The following MGST1 variants were observed in gnomAD, a reference collection of about 807,000 sequenced individuals.
The protein encoded by MGST1 is microsomal glutathione S-transferase 1.
In MGST1, 5 loss-of-function variants were observed where a neutral mutation model predicts 8.9. That is an observed-to-expected ratio of 0.56 (90% CI 0.29 to 1.19). The LOEUF is 1.19. MGST1 is among the 50% of genes most tolerant of loss of function. MGST1 has a pLI of 0.08. For missense variants in MGST1, 182 were observed against 187.4 expected, an observed-to-expected ratio of 0.97 and a Z score of 0.17; for synonymous variants, 54 against 67.8, an observed-to-expected ratio of 0.80 and a Z score of 1.00.
chr12:16,558,733 A>C (rs1942283020), intron 4 of MGST1, among the ~76,000 whole-genome samples: 1 of 152,168 alleles, frequency 6.6e-6, no homozygotes, highest in Non-Finnish European at 1.5e-5. Context: ...CTGAATATCT[A>C]CATTTAGCAA....
At chr12:16,575,939 G>T (rs752951987) in intron 4 of MGST1, among the ~76,000 whole-genome samples, 1 of 152,028 alleles carries the variant, frequency 6.6e-6, no homozygotes, top group Non-Finnish European at 1.5e-5. Context: ...ATGAATGTCG[G>T]AACATTTGCA....
chr12:16,542,625 C>T (rs1243118929), intron 4 of MGST1, among the ~76,000 whole-genome samples: 1 of 152,140 alleles, frequency 6.6e-6, no homozygotes, highest in Non-Finnish European at 1.5e-5. Flanking sequence ...TTCTCCATTG[C>T]TATTTCCCAT....
chr12:16,471,234 T>C (rs1299835843), intron 4 of MGST1, among the ~76,000 whole-genome samples: 1 of 152,246 alleles, frequency 6.6e-6, no homozygotes, highest in Non-Finnish European at 1.5e-5. Context: ...ACCATTTGTC[T>C]GTCTTGTCTC....
At chr12:16,524,512 A>C (rs2137193468) in intron 4 of MGST1, among the ~76,000 whole-genome samples, 1 of 152,176 alleles carries the variant, frequency 6.6e-6, no homozygotes, top group African/African-American at 2.4e-5. Context: ...CTATAAAGAG[A>C]AGTTCCCTGG....
intron 1 of MGST1, among the ~76,000 whole-genome samples, chr12:16,394,395 T>C (rs1940581390): frequency 6.6e-6 from 1 of 151,714 alleles, no homozygotes; most frequent in South Asian, 2.1e-4. Flanking sequence ...TTTCTTTCTC[T>C]CTCTTTCTTT....
intron 4 of MGST1, among the ~76,000 whole-genome samples, chr12:16,568,984 A>G (rs1942716980): frequency 6.6e-6 from 1 of 152,246 alleles, no homozygotes; most frequent in Non-Finnish European, 1.5e-5. Flanking sequence ...GTATGCTAAT[A>G]GTGTGAATCA....
chr12:16,427,570 C>G (rs1591725019), intron 1 of MGST1, among the ~76,000 whole-genome samples: 1 of 152,030 alleles, frequency 6.6e-6, no homozygotes, highest in African/African-American at 2.4e-5. Flanking sequence ...TTAGTAGAGA[C>G]AGGGTTTCAC....
chr12:16,577,133 C>T (rs772191827), intron 4 of MGST1, among the ~76,000 whole-genome samples: 1 of 152,076 alleles, frequency 6.6e-6, no homozygotes, highest in East Asian at 1.9e-4. Flanking sequence ...CATCTGTATC[C>T]CTCATATCTA....
intron 4 of MGST1, among the ~76,000 whole-genome samples, chr12:16,495,409 A>T (rs1941463406): frequency 6.6e-6 from 1 of 152,096 alleles, no homozygotes; most frequent in Non-Finnish European, 1.5e-5. Flanking sequence ...AAACATCAGT[A>T]TTGCACAATA....
At position 16,445,265 on chromosome 12, in the gene MGST1, G is replaced by T. The variant is rs246850; in HGVS notation, n.482+61661G>T. On this transcript the variant is annotated intron_variant and non_coding_transcript_variant, in intron 4 of 4. Coordinates refer to the MGST1 transcript ENST00000538857. Reference sequence around the variant, plus strand: ...ATTGTAATTCCTTCTTTGTGGCAGGGGGTGTGAGATATAGCAATTAGCCTT... The same window carrying T: ...ATTGTAATTCCTTCTTTGTGGCAGGTGGTGTGAGATATAGCAATTAGCCTT... 7.0e-3 allele frequency among the ~76,000 whole-genome samples: 1,059 copies of T among 151,914 alleles called. 14 individuals carry two copies. The highest frequency in any genetic ancestry group is 0.024 in the African/African-American group (985 of 41,492).
intron 4 of MGST1, among the ~76,000 whole-genome samples, chr12:16,574,169 A>T (rs966246747): frequency 2.0e-5 from 3 of 152,142 alleles, no homozygotes; most frequent in African/African-American, 7.2e-5. Context: ...AGTAAGTTAG[A>T]GGAAGACAGT....
intron 4 of MGST1, among the ~76,000 whole-genome samples, chr12:16,536,319 G>A (rs567941728): frequency 6.6e-6 from 1 of 152,208 alleles, no homozygotes; most frequent in East Asian, 1.9e-4. Flanking sequence ...ATTTCATGTG[G>A]TTCACTGTGT....
At chr12:16,562,013 A>C (rs1309239268) in intron 4 of MGST1, among the ~76,000 whole-genome samples, 1 of 152,182 alleles carries the variant, frequency 6.6e-6, no homozygotes, top group African/African-American at 2.4e-5. Flanking sequence ...TATTTTAAGG[A>C]CTATAACCCA....
intron 4 of MGST1, among the ~76,000 whole-genome samples, chr12:16,488,493 C>T (rs1179631413): frequency 3.9e-5 from 6 of 152,100 alleles, no homozygotes; most frequent in African/African-American, 7.2e-5. Flanking sequence ...CGTTAGCCCA[C>T]GGAACTAAGG....
At chr12:16,534,903 A>G (rs1239665655) in intron 4 of MGST1, among the ~76,000 whole-genome samples, 2 of 152,112 alleles carry the variant, frequency 1.3e-5, no homozygotes, top group Non-Finnish European at 2.9e-5. Context: ...ACCAAATCTG[A>G]TCAGAAATGT....
intron 4 of MGST1, among the ~76,000 whole-genome samples, chr12:16,532,466 G>A (rs952281815): frequency 6.6e-6 from 1 of 152,100 alleles, no homozygotes; most frequent in Non-Finnish European, 1.5e-5. Flanking sequence ...TAATGATCCA[G>A]CAAAGCTATA....
Position 16,469,326 on chromosome 12 carries a change from C to T in MGST1, n.482+85722C>T, listed in dbSNP as rs146750501. On this transcript the variant is annotated intron_variant and non_coding_transcript_variant, in intron 4 of 4. Transcript: ENST00000538857. ...TCAGCCTCCCAAGTAGCTGCGACTA[C>T]AGGCATGTGCCACCATGTCCAGCTA... Among the ~76,000 whole-genome samples, 1,379 of 152,106 alleles carry T rather than the reference C, an allele frequency of 9.1e-3. 76 individuals carry two copies. In the East Asian group the frequency reaches 0.17, roughly 19 times the overall value.
chr12:16,531,706 T>C (rs375295083), intron 4 of MGST1, among the ~76,000 whole-genome samples: 4 of 152,068 alleles, frequency 2.6e-5, no homozygotes, highest in Admixed American at 2.6e-4. Flanking sequence ...GAGAGACAGG[T>C]TGGTAAAATG....
At chr12:16,561,699 A>T (rs1942412053) in intron 4 of MGST1, among the ~76,000 whole-genome samples, 1 of 152,186 alleles carries the variant, frequency 6.6e-6, no homozygotes, top group African/African-American at 2.4e-5. Context: ...ATGCATATTC[A>T]TTTTCAAGTT....
Sources: allele counts gnomAD v4.1 joint callset (sites outside exome capture counted in the v4.1 genomes callset), GRCh38; gene constraint gnomAD v4.1.1; transcripts MANE v1.5; gene names NCBI Gene and HGNC (gene_info 2026-07-23, HGNC 2026-07-21).